The following SPON1 variants were observed in gnomAD, a reference collection of about 807,000 sequenced individuals.
The protein encoded by SPON1 is spondin-1.
In SPON1, 52 loss-of-function variants were observed where a neutral mutation model predicts 111.7. That is an observed-to-expected ratio of 0.47 (90% CI 0.37 to 0.59). The LOEUF (loss-of-function observed/expected upper bound fraction) is 0.59. SPON1 is among the 20% of genes least tolerant of loss of function. The pLI is 0.00. For synonymous variants in SPON1, 410 were observed against 395.8 expected (o/e 1.04, Z -0.43); for missense variants, 957 against 1,068.5 (o/e 0.90, Z 1.46).
rs782308186 is a variant in SPON1 at position 14,219,841 on chromosome 11, C to T, written c.826-23491C>T. On this transcript the variant is annotated intron_variant, in intron 6 of 15. Coordinates refer to ENST00000576479, the MANE Select transcript of SPON1 (RefSeq NM_006108.4). ...ATACCTTTGCTTCAACTCTGTGCTTCCCAGGCAATATTCCATTAAGATTAT... is the reference window on the plus strand; with the variant it reads ...ATACCTTTGCTTCAACTCTGTGCTTTCCAGGCAATATTCCATTAAGATTAT... Among the ~76,000 whole-genome samples the T allele has an allele frequency of 1.4e-4, 22 of 152,248 alleles. No homozygotes were observed. The Middle Eastern group carries it at 0.01, about 71-fold the overall frequency.
chr11:14,124,906 A>G (rs375758155), intron 5 of SPON1, among the ~76,000 whole-genome samples: 7 of 152,226 alleles, frequency 4.6e-5, no homozygotes, highest in African/African-American at 1.4e-4. Context: ...CTGGGAACGG[A>G]AAAGTGGCAC....
chr11:14,189,672 T>C (rs1254041973), intron 6 of SPON1, among the ~76,000 whole-genome samples: 4 of 152,188 alleles, frequency 2.6e-5, no homozygotes, highest in African/African-American at 2.4e-5. Context: ...TTAGAGAAAG[T>C]ATTTTCTCAG....
chr11:14,143,374 C>A (rs1187589271), intron 6 of SPON1, among the ~76,000 whole-genome samples: 1 of 152,076 alleles, frequency 6.6e-6, no homozygotes, highest in Non-Finnish European at 1.5e-5. Flanking sequence ...CCAGCCTGGG[C>A]AACACAGTGA....
intron 1 of SPON1, among the ~76,000 whole-genome samples, chr11:13,978,793 C>G (rs1848121897): frequency 6.6e-6 from 1 of 152,110 alleles, no homozygotes; most frequent in Admixed American, 6.6e-5. Context: ...AAAAATACAA[C>G]AGGGCGACAT....
chr11:14,137,430 G>A lies in SPON1; in HGVS notation c.825+1862G>A, dbSNP rs1345615688. On this transcript the variant is annotated intron_variant, in intron 6 of 15. Coordinates refer to ENST00000576479, the MANE Select transcript of SPON1 (RefSeq NM_006108.4). ...AATAATAAGTTTAATTATGGGTACC[G>A]CACATGGGAATGAACATATCTCAGT... 3.3e-5 allele frequency among the ~76,000 whole-genome samples: 5 copies of A among 152,106 alleles called. No homozygotes were observed. In the East Asian group the frequency reaches 7.7e-4, roughly 23 times the overall value.
chr11:14,086,582 A>C (rs1426781336), intron 5 of SPON1, among the ~76,000 whole-genome samples: 8 of 152,298 alleles, frequency 5.3e-5, no homozygotes, highest in Admixed American at 2.6e-4. Flanking sequence ...ATCAATGTTC[A>C]TCAGGGATAT....
intron 3 of SPON1, among the ~76,000 whole-genome samples, chr11:14,047,311 A>G (rs1848675738): frequency 6.6e-6 from 1 of 152,176 alleles, no homozygotes; most frequent in Non-Finnish European, 1.5e-5. Context: ...AGTGCCTTTA[A>G]TCAAGTTGAG....
At chr11:13,977,196 A>C (rs1252035378) in intron 1 of SPON1, among the ~76,000 whole-genome samples, 1 of 152,178 alleles carries the variant, frequency 6.6e-6, no homozygotes, top group African/African-American at 2.4e-5. Context: ...ATATATATGC[A>C]TTTCTGTTGA....
intron 5 of SPON1, among the ~76,000 whole-genome samples, chr11:14,134,204 T>C (rs1847564452): frequency 2.6e-5 from 4 of 152,184 alleles, no homozygotes; most frequent in Admixed American, 1.3e-4. Flanking sequence ...GTTATTTAAC[T>C]TGAGACTTTG....
chr11:14,083,113 A>AC (rs1241474015), intron 5 of SPON1, among the ~76,000 whole-genome samples: 2 of 152,220 alleles, frequency 1.3e-5, no homozygotes, highest in Non-Finnish European at 2.9e-5. Context: ...AAAATAATAA[A>AC]CTTGTTCCAG....
chr11:14,192,724 G>A (rs1848360190), intron 6 of SPON1, among the ~76,000 whole-genome samples: 7 of 151,092 alleles, frequency 4.6e-5, no homozygotes, highest in Non-Finnish European at 1.0e-4. Flanking sequence ...GGAGTGAGGT[G>A]CCCCACCCCC....
intron 6 of SPON1, among the ~76,000 whole-genome samples, chr11:14,201,854 G>C (rs1848468020): frequency 6.6e-6 from 1 of 152,118 alleles, no homozygotes; most frequent in Non-Finnish European, 1.5e-5. Flanking sequence ...GGTGGGGGGA[G>C]TCCTTGAAAG....
At chr11:14,182,340 AG>A (rs1848243308) in intron 6 of SPON1, among the ~76,000 whole-genome samples, 1 of 152,184 alleles carries the variant, frequency 6.6e-6, no homozygotes, top group African/African-American at 2.4e-5. Context: ...CATCCCAGTA[AG>A]GCTAAATGAG....
At chr11:14,204,985 C>G (rs1848502731) in intron 6 of SPON1, among the ~76,000 whole-genome samples, 1 of 152,174 alleles carries the variant, frequency 6.6e-6, no homozygotes, top group South Asian at 2.1e-4. Flanking sequence ...CCGCGCCTGG[C>G]CGATCCTCCC....
intron 15 of SPON1, among the ~76,000 whole-genome samples, chr11:14,264,973 A>C (rs2133930153): frequency 6.6e-6 from 1 of 152,318 alleles, no homozygotes; most frequent in Non-Finnish European, 1.5e-5. Flanking sequence ...GCCATCCCAA[A>C]ACAGTCTTTT....
At chr11:14,137,903 G>A (rs1478837119) in intron 6 of SPON1, among the ~76,000 whole-genome samples, 4 of 152,138 alleles carry the variant, frequency 2.6e-5, no homozygotes, top group Non-Finnish European at 5.9e-5. Context: ...TGGATAGGGT[G>A]ATTTCAGGAT....
In SPON1 at chr11:14,135,698, G is replaced by A; in HGVS notation, c.825+130G>A. 1 of 924,526 alleles carries A rather than the reference G, an allele frequency of 1.1e-6. No individual in the cohort carries two copies. The highest frequency in any genetic ancestry group is 1.6e-6 in the Non-Finnish European group (1 of 616,198). The allele number at this position is 924,526 out of a possible 1,614,324, so 57.3% of individuals were successfully genotyped here. On this transcript the variant is annotated intron_variant, in intron 6 of 15. Coordinates refer to ENST00000576479, the MANE Select transcript of SPON1 (RefSeq NM_006108.4). The surrounding 1 kb of genome is among the most constrained non-coding windows in gnomAD (Gnocchi z 4.4). ...AGAAAATCTATTTGCTGAGTTTGGG[G>A]GTTTTATGTTAAGTAGAGGACAGAC...
chr11:14,116,286 T>A (rs1189785588), intron 5 of SPON1, among the ~76,000 whole-genome samples: 1 of 152,162 alleles, frequency 6.6e-6, no homozygotes, highest in Non-Finnish European at 1.5e-5. Context: ...GCACCTTTTT[T>A]GCTCCATTTA....
At chr11:14,051,917 G>C (rs1188140933) in intron 3 of SPON1, among the ~76,000 whole-genome samples, 3 of 152,020 alleles carry the variant, frequency 2.0e-5, no homozygotes, top group African/African-American at 7.3e-5. Flanking sequence ...TTCCCATTTT[G>C]TTCATAAGAG....
Sources: gnomAD v4.1 joint callset for allele counts (sites outside exome capture counted in the v4.1 genomes callset) on GRCh38, gnomAD v4.1.1 for gene constraint, Gnocchi (gnomAD v3.1) non-coding constraint, MANE v1.5 for transcripts, NCBI Gene and HGNC (gene_info 2026-07-23, HGNC 2026-07-21) for gene names.